Variants in SEC24C observed in about 807,000 individuals in gnomAD.
SEC24C encodes SEC24 homolog C, COPII component, also known as protein transport protein Sec24C.
Under a neutral mutation model 117.0 loss-of-function variants are expected in SEC24C, and 22 were observed. The ratio of observed to expected loss-of-function variants is 0.19; its 90% CI spans 0.13 to 0.27. The LOEUF (loss-of-function observed/expected upper bound fraction) is 0.27, where lower values mean the gene tolerates loss of function less well. SEC24C is among the 10% of genes least tolerant of loss of function. The pLI, the probability that SEC24C is intolerant of heterozygous loss-of-function variation, is 1.00. For missense variants in SEC24C, 1,155 were observed against 1,375.1 expected (o/e 0.84, Z 2.53); for synonymous variants, 506 against 529.4 (o/e 0.96, Z 0.61).
intron 3 of SEC24C, among the ~76,000 whole-genome samples, chr10:73,757,146 T>A (rs1009861055): frequency 1.4e-5 from 2 of 148,112 alleles, no homozygotes; most frequent in African/African-American, 4.9e-5. Context: ...ACTCCTGACC[T>A]CAAATGATCC....
At position 73,759,706 on chromosome 10, in the gene SEC24C, G is replaced by T. The variant is rs375764899; in HGVS notation, c.393G>T (p.Pro131=). ...PPVLQPYGPP[P]TSAQVATQLS... ...TGCTTCAGCCCTATGGCCCTCCCCC[G>T]ACAAGTGCACAGGTGGCTACGCAGC... The change falls in exon 4 of 23, where the codon CCG becomes CCT. Residue 131 remains proline, a synonymous_variant. Coordinates refer to ENST00000345254, the MANE Select transcript of SEC24C (RefSeq NM_198597.3). 6.2e-7 allele frequency: 1 copy of T among 1,608,872 alleles called. No individual in the cohort carries two copies. The highest frequency in any genetic ancestry group is 1.3e-5 in the African/African-American group (1 of 74,744).
chr10:73,763,667 CTTTTTTTTTTTTTT>C lies in SEC24C; in HGVS notation c.1099+85_1099+98del, dbSNP rs71021569. 5.7e-3 allele frequency: 347 copies of C among 60,494 alleles called. 2 individuals carry two copies. The highest frequency in any genetic ancestry group is 0.054 in the Middle Eastern group (9 of 166). 3.7% of individuals were successfully genotyped at this position (60,494 alleles called of 1,614,324 possible). A position where few individuals can be genotyped will look rare whatever the true frequency, so the allele number is the denominator to read the frequency against. ...CAAGATTATCAGCTTATGGTTGGGG[CTTTTTTTTTTTTTT>C]TTTTTTTTTTTTTTTTTTAGTTTTT... On this transcript the variant is annotated intron_variant, in intron 7 of 22. Transcript: ENST00000345254.
chr10:73,746,114 C>T (rs192380017), intron 1 of SEC24C, among the ~76,000 whole-genome samples: 1,549 of 146,918 alleles, frequency 0.011, 17 homozygotes, highest in African/African-American at 0.036. Context: ...GAGCCGAGAT[C>T]GCGCCACTGC....
Position 73,767,154 on chromosome 10 carries a change from A to G in SEC24C, c.1994A>G (p.Asn665Ser), listed in dbSNP as rs747322110. 2.5e-6 allele frequency: 4 copies of G among 1,611,898 alleles called. No individual in the cohort carries two copies. The highest frequency in any genetic ancestry group is 2.2e-5 in the East Asian group (1 of 44,882). Residue 665 changes from asparagine to serine, a missense_variant, in exon 14 of 23, where the codon AAT becomes AGT. Asn to Ser is a conservative substitution (Grantham distance 46). Coordinates refer to ENST00000345254, the MANE Select transcript of SEC24C (RefSeq NM_198597.3). ...AACAGAGATGACAGGAAGCTGATCA[A>G]TACAGACAAGGAGAAGGTGTGGGAC... is the stretch of plus-strand genomic sequence containing the variant. The part of the protein sequence containing the change: ...LKNRDDRKLI[N>S]TDKEKTLFQP...
Position 73,755,427 on chromosome 10 carries a change from C to T in SEC24C, c.308+4184C>T, listed in dbSNP as rs368681387. On this transcript the variant is annotated intron_variant, in intron 3 of 22. Transcript: ENST00000345254. Reference sequence around the variant, plus strand: ...GCGCGGTGGCTCATGCCTGTAATTCCAGCACTTTGGGAGGCCGAGGCGGGT... The same window carrying T: ...GCGCGGTGGCTCATGCCTGTAATTCTAGCACTTTGGGAGGCCGAGGCGGGT... 2.6e-5 allele frequency among the ~76,000 whole-genome samples: 4 copies of T among 152,234 alleles called. No homozygotes were observed. In the East Asian group the frequency reaches 7.7e-4, roughly 29 times the overall value.
At chr10:73,763,078 C>G (rs575042152) in intron 6 of SEC24C, among the ~76,000 whole-genome samples, 1 of 152,248 alleles carries the variant, frequency 6.6e-6, no homozygotes, top group East Asian at 1.9e-4. Context: ...TTTTCCTGCT[C>G]TGACTCAGAA....
chr10:73,754,500 G>A (rs901012922), intron 3 of SEC24C, among the ~76,000 whole-genome samples: 1 of 152,162 alleles, frequency 6.6e-6, no homozygotes, highest in African/African-American at 2.4e-5. Context: ...CCTTCAAGAT[G>A]TATCCCAAAT....
intron 1 of SEC24C, among the ~76,000 whole-genome samples, chr10:73,745,888 G>A (rs1341272494): frequency 2.6e-5 from 4 of 151,980 alleles, no homozygotes; most frequent in African/African-American, 9.7e-5. Context: ...TTGGCCGGGC[G>A]TGGTGGCTCA....
chr10:73,769,200 G>A lies in SEC24C; in HGVS notation c.2424+48G>A. 2 of 1,607,438 alleles carry A rather than the reference G, an allele frequency of 1.2e-6. No homozygotes were observed. Among genetic ancestry groups the A allele is most frequent in the Non-Finnish European group, 1.7e-6 (2 of 1,176,732 alleles). ...GGGCAGGAAGTGTTTCATTCGCTTG[G>A]TATAGAAGAGGGTGAGGAATGGGTA... On this transcript the variant is annotated intron_variant, in intron 17 of 22. Coordinates refer to ENST00000345254, the MANE Select transcript of SEC24C (RefSeq NM_198597.3). This position sits in a 1 kb window ranked among gnomAD's most constrained non-coding sequence, Gnocchi z 4.5.
intron 3 of SEC24C, among the ~76,000 whole-genome samples, chr10:73,756,801 A>G (rs188264138): frequency 1.2e-4 from 18 of 150,450 alleles, no homozygotes; most frequent in Admixed American, 6.6e-4. Context: ...GGGTTTCACC[A>G]TGTTGGCCAG....
chr10:73,765,378 G>A (rs2082866805), intron 8 of SEC24C, 73 bp from the exon 9 acceptor site: 1 of 1,549,254 alleles, frequency 6.5e-7, no homozygotes, highest in Non-Finnish European at 8.9e-7. Context: ...TCCTCCGGTT[G>A]TTCTTCCTCA....
Position 73,765,360 on chromosome 10 carries a change from C to T in SEC24C, c.1228-91C>T, listed in dbSNP as rs1589525421. 1.2e-5 allele frequency: 17 copies of T among 1,423,286 alleles called. No individual in the cohort carries two copies. The East Asian group carries it at 1.6e-4, about 14-fold the overall frequency. The allele number at this position is 1,423,286 out of a possible 1,614,324, so 88.2% of individuals were successfully genotyped here. On this transcript the variant is annotated intron_variant, in intron 8 of 22. Transcript: ENST00000345254. ...CTGCAGACAGAATATCTGCGCCATGCGCCTTCTTCCTCCGGTTGTTCTTCC... is the reference window on the plus strand; with the variant it reads ...CTGCAGACAGAATATCTGCGCCATGTGCCTTCTTCCTCCGGTTGTTCTTCC...
chr10:73,757,597 C>T (rs1250766198), intron 3 of SEC24C, among the ~76,000 whole-genome samples: 1 of 151,488 alleles, frequency 6.6e-6, no homozygotes, highest in East Asian at 2.0e-4. Flanking sequence ...ACAACCACAC[C>T]TCAGTCCGGG....
intron 8 of SEC24C, among the ~76,000 whole-genome samples, chr10:73,764,920 T>C (rs2082857805): frequency 6.6e-6 from 1 of 152,214 alleles, no homozygotes; most frequent in African/African-American, 2.4e-5. Context: ...TCTCTGTGTG[T>C]TTGTCTATTT....
At chr10:73,760,457 A>G (rs1161330488) in intron 5 of SEC24C, 71 bp downstream of exon 5, 1 of 1,489,070 alleles carries the variant, frequency 6.7e-7, no homozygotes, top group East Asian at 2.3e-5. Context: ...GATGTTTTTT[A>G]TTTGTTTGTT....
chr10:73,769,717 C>T lies in SEC24C; in HGVS notation c.2666C>T (p.Pro889Leu). The change falls in exon 19 of 23, where the codon CCC becomes CTC. Residue 889 changes from proline to leucine, a missense_variant. By Grantham distance (98) the Pro-to-Leu change is moderately conservative (BLOSUM62 -3). This residue lies in a region of SEC24C where 759 missense variants were observed against 992.3 expected (regional missense o/e 0.76). Coordinates refer to ENST00000345254, the MANE Select transcript of SEC24C (RefSeq NM_198597.3). The surrounding 1 kb of genome is among the most constrained non-coding windows in gnomAD (Gnocchi z 4.5). ...LACYRKNCAS[P>L]SSAGQLILPE... is the part of the protein sequence containing the mutation. ...TGTTACAGAAAGAACTGTGCTAGCC[C>T]CTCCTCTGCAGGACAGGTGGGGCAA... The T allele has an allele frequency of 6.2e-7, 1 of 1,614,178 alleles. No homozygotes were observed. The highest frequency in any genetic ancestry group is 8.5e-7 in the Non-Finnish European group (1 of 1,180,022).
At chr10:73,750,144 T>C (rs1156427691) in intron 2 of SEC24C, among the ~76,000 whole-genome samples, 1 of 152,262 alleles carries the variant, frequency 6.6e-6, no homozygotes, top group African/African-American at 2.4e-5. Context: ...AGTCCACCTC[T>C]GCTTTGTCAA....
At chr10:73,763,362 G>A in intron 6 of SEC24C, 128 bp from the exon 7 acceptor site, 1 of 584,436 alleles carries the variant, frequency 1.7e-6, no homozygotes, top group Admixed American at 2.7e-5. Flanking sequence ...AACAGGCCTG[G>A]TGTATGAGGT....
At chr10:73,763,666 G>GGT in intron 7 of SEC24C, 65 bp downstream of exon 7, 2 of 212,412 alleles carry the variant, frequency 9.4e-6, no homozygotes, top group Non-Finnish European at 1.7e-5. Flanking sequence ...TATGGTTGGG[G>GGT]CTTTTTTTTT....
Sources: gnomAD v4.1 joint callset for allele counts (sites outside exome capture counted in the v4.1 genomes callset) on GRCh38, gnomAD v4.1.1 for gene constraint, gnomAD v4.1.1 regional missense constraint, Gnocchi (gnomAD v3.1) non-coding constraint, MANE v1.5 for transcripts, NCBI Gene and HGNC (gene_info 2026-07-23, HGNC 2026-07-21) for gene names.